Variants in RFX7 observed in about 807,000 individuals in gnomAD.
The protein encoded by RFX7 is regulatory factor X7, also known as DNA-binding protein RFX7.
RFX7 carries 26 observed loss-of-function variants against 111.8 expected under a neutral mutation model. The ratio of observed to expected loss-of-function variants is 0.23; its 90% CI spans 0.17 to 0.32. The LOEUF (loss-of-function observed/expected upper bound fraction) is 0.32. RFX7 is among the 10% of genes least tolerant of loss of function. The pLI, the probability that RFX7 is intolerant of heterozygous loss-of-function variation, is 1.00. For missense variants in RFX7, 1,573 were observed against 1,772.9 expected (o/e 0.89, Z 2.02); for synonymous variants, 624 against 624.4 (o/e 1.00, Z 0.01).
intron 3 of RFX7, among the ~76,000 whole-genome samples, chr15:56,171,416 C>T (rs561325335): frequency 6.6e-6 from 1 of 151,846 alleles, no homozygotes; most frequent in Non-Finnish European, 1.5e-5. Context: ...CTGATAAAAG[C>T]GAGGCTGAAA....
chr15:56,137,362 G>A (rs1359653662), intron 5 of RFX7, among the ~76,000 whole-genome samples: 1 of 152,106 alleles, frequency 6.6e-6, no homozygotes, highest in East Asian at 1.9e-4. Flanking sequence ...ATGTGTCAAG[G>A]AATTTATCCA....
Position 56,235,036 on chromosome 15 carries a change from A to G in RFX7, c.161+8089T>C, listed in dbSNP as rs2043607526. ...TTAGACACTTATATCAGCAGAAACA[A>G]CATTCTTAAGGTAGCAGGTAATGGG... On this transcript the variant is annotated intron_variant, in intron 2 of 9. Transcript: ENST00000559447. Among the ~76,000 whole-genome samples, 4 of 152,358 alleles carry G rather than the reference A, an allele frequency of 2.6e-5. No individual in the cohort carries two copies. The South Asian group carries it at 8.3e-4, about 32-fold the overall frequency.
intron 5 of RFX7, among the ~76,000 whole-genome samples, chr15:56,109,521 G>T (rs1413347708): frequency 6.6e-6 from 1 of 151,996 alleles, no homozygotes; most frequent in Non-Finnish European, 1.5e-5. Context: ...TCTGGGATGT[G>T]AGGAGCCCCT....
At chr15:56,109,479 G>A (rs1375406218) in intron 5 of RFX7, among the ~76,000 whole-genome samples, 4 of 152,076 alleles carry the variant, frequency 2.6e-5, no homozygotes, top group African/African-American at 7.2e-5. Flanking sequence ...CGGTCTGGGA[G>A]GTGAGGAGCG....
chr15:56,204,709 C>A, intron 2 of RFX7, among the ~76,000 whole-genome samples: 1 of 152,104 alleles, frequency 6.6e-6, no homozygotes, highest in Non-Finnish European at 1.5e-5. Context: ...GTAATAATGG[C>A]AATGGAATAT....
intron 2 of RFX7, among the ~76,000 whole-genome samples, chr15:56,214,847 C>T (rs2043348040): frequency 6.6e-6 from 1 of 151,868 alleles, no homozygotes; most frequent in South Asian, 2.1e-4. Context: ...ATGCAAATGA[C>T]TTTTGCTACA....
chr15:56,179,805 C>T (rs549267038), intron 2 of RFX7, among the ~76,000 whole-genome samples: 278 of 120,318 alleles, frequency 2.3e-3, no homozygotes, highest in Non-Finnish European at 4.1e-3. Flanking sequence ...CACACACACA[C>T]ACACACACCA....
At chr15:56,131,809 A>C (rs1296167919) in intron 5 of RFX7, among the ~76,000 whole-genome samples, 1 of 152,242 alleles carries the variant, frequency 6.6e-6, no homozygotes, top group Non-Finnish European at 1.5e-5. Context: ...GTAATAACAA[A>C]GTAAAGACAA....
chr15:56,225,021 ATAC>A (rs1327799064), intron 2 of RFX7, among the ~76,000 whole-genome samples: 1 of 152,174 alleles, frequency 6.6e-6, no homozygotes, highest in Non-Finnish European at 1.5e-5. Flanking sequence ...TATAACAAAA[ATAC>A]TACTTAAGAT....
intron 2 of RFX7, chr15:56,192,933 T>A (rs1427522864): frequency 5.4e-6 from 1 of 184,358 alleles, no homozygotes; most frequent in Non-Finnish European, 1.2e-5. Context: ...TTTTCTACAA[T>A]GGCCTCTACC....
intron 5 of RFX7, among the ~76,000 whole-genome samples, chr15:56,134,601 T>C (rs1365712532): frequency 2.0e-5 from 2 of 100,816 alleles, no homozygotes; most frequent in African/African-American, 7.0e-5. Flanking sequence ...ACTTTCTTTT[T>C]TTTTTTTTTT....
At chr15:56,140,324 C>T (rs867967881) in intron 5 of RFX7, among the ~76,000 whole-genome samples, 3 of 152,212 alleles carry the variant, frequency 2.0e-5, no homozygotes, top group African/African-American at 2.4e-5. Context: ...CGTGGTGCGC[C>T]GCTTTTTAAG....
At chr15:56,159,934 A>ATTTTTTGT (rs2042701584) in intron 3 of RFX7, among the ~76,000 whole-genome samples, 1 of 152,220 alleles carries the variant, frequency 6.6e-6, no homozygotes, top group Non-Finnish European at 1.5e-5. Flanking sequence ...ACCACTGTGA[A>ATTTTTTGT]AAAGTGAAGC....
chr15:56,189,302 C>T (rs955124422), intron 2 of RFX7, among the ~76,000 whole-genome samples: 47 of 151,912 alleles, frequency 3.1e-4, no homozygotes, highest in East Asian at 3.8e-4. Context: ...ATTGCTTGAG[C>T]CCAGGAGTTC....
At chr15:56,234,805 T>C (rs548559968) in intron 2 of RFX7, among the ~76,000 whole-genome samples, 1 of 152,362 alleles carries the variant, frequency 6.6e-6, no homozygotes, top group African/African-American at 2.4e-5. Flanking sequence ...TTCAGATATA[T>C]TCAATCTCCA....
chr15:56,241,617 T>A (rs966157331), intron 2 of RFX7, among the ~76,000 whole-genome samples: 2 of 152,132 alleles, frequency 1.3e-5, no homozygotes, highest in African/African-American at 4.8e-5. Flanking sequence ...ACTGGTTTTG[T>A]GAAAACCTTG....
intron 9 of RFX7, among the ~76,000 whole-genome samples, chr15:56,097,443 T>A (rs554973792): frequency 2.6e-5 from 4 of 152,066 alleles, no homozygotes; most frequent in South Asian, 4.2e-4. Context: ...GTTTAAATTT[T>A]AAAAAAAGAC....
intron 5 of RFX7, among the ~76,000 whole-genome samples, chr15:56,107,471 AAATTT>A (rs1405125753): frequency 1.3e-5 from 2 of 152,118 alleles, no homozygotes; most frequent in African/African-American, 4.8e-5. Context: ...TTCATGTCAC[AAATTT>A]AATTGTACAA....
intron 3 of RFX7, among the ~76,000 whole-genome samples, chr15:56,153,531 C>A (rs1290951740): frequency 3.3e-5 from 5 of 152,086 alleles, no homozygotes; most frequent in Non-Finnish European, 5.9e-5. Context: ...ATAAAAAGAA[C>A]CAATGACAAC....
Sources: gnomAD v4.1 joint callset for allele counts (sites outside exome capture counted in the v4.1 genomes callset) on GRCh38, gnomAD v4.1.1 for gene constraint, MANE v1.5 for transcripts, NCBI Gene and HGNC (gene_info 2026-07-23, HGNC 2026-07-21) for gene names.